NTNG1: variants seen among roughly 807,000 people sequenced by gnomAD.
NTNG1 encodes the protein netrin G1.
A neutral mutation model predicts 54.0 loss-of-function variants in NTNG1; 16 were observed. That is an observed-to-expected ratio of 0.30 (90% confidence interval 0.20 to 0.45). The LOEUF is 0.45. Ranked by LOEUF, NTNG1 falls within the 20% of genes least tolerant of loss-of-function variation. The pLI, the probability that NTNG1 is intolerant of heterozygous loss-of-function variation, is 1.00. For missense variants in NTNG1, 530 were observed against 678.7 expected (o/e 0.78, Z 2.43); for synonymous variants, 255 against 263.1 (o/e 0.97, Z 0.30).
intron 3 of NTNG1, among the ~76,000 whole-genome samples, chr1:107,386,175 T>TTTTTTC (rs1671982273): frequency 7.0e-6 from 1 of 142,660 alleles, no homozygotes; most frequent in Non-Finnish European, 1.5e-5. Context: ...ATTTTTTTTT[T>TTTTTTC]TTTCTTCCTT....
rs561633045 is a variant in NTNG1, at chr1:107,424,518, C to A, written c.1088-6232C>A. 2.3e-4 allele frequency among the ~76,000 whole-genome samples: 35 copies of A among 152,138 alleles called. No individual in the cohort carries two copies. The South Asian group carries it at 7.1e-3, about 31-fold the overall frequency. On this transcript the variant is annotated intron_variant, in intron 5 of 7. Coordinates refer to ENST00000370068, the MANE Select transcript of NTNG1 (RefSeq NM_001113226.3). ...CTGCTGTGTGGAGATGACATTATCA[C>A]AAGGGTTGAGGCCAGAAGAACAGTT...
chr1:107,296,692 T>G (rs116392093), intron 2 of NTNG1, among the ~76,000 whole-genome samples: 1 of 147,732 alleles, frequency 6.8e-6, no homozygotes, highest in East Asian at 1.9e-4. Context: ...TTATATATAC[T>G]AATATACTAT....
chr1:107,216,602 G>A (rs1420475052), intron 2 of NTNG1, among the ~76,000 whole-genome samples: 1 of 151,364 alleles, frequency 6.6e-6, no homozygotes, highest in African/African-American at 2.4e-5. Flanking sequence ...ATTGGTCTGT[G>A]GTTTTCTTAT....
intron 3 of NTNG1, among the ~76,000 whole-genome samples, chr1:107,375,681 A>G (rs543408565): frequency 4.6e-5 from 7 of 152,346 alleles, no homozygotes; most frequent in South Asian, 2.1e-4. Flanking sequence ...ACAACCCACA[A>G]TGAAACCCAC....
chr1:107,449,534 A>G (rs943890196), intron 7 of NTNG1, among the ~76,000 whole-genome samples: 1 of 152,050 alleles, frequency 6.6e-6, no homozygotes, highest in African/African-American at 2.4e-5. Flanking sequence ...TTAGACTTCA[A>G]GGTAACTAAT....
At chr1:107,234,819 C>T (rs1395444211) in intron 2 of NTNG1, among the ~76,000 whole-genome samples, 3 of 152,238 alleles carry the variant, frequency 2.0e-5, no homozygotes, top group African/African-American at 7.2e-5. Flanking sequence ...TGCTATTGAA[C>T]CCACAGCTTC....
intron 2 of NTNG1, among the ~76,000 whole-genome samples, chr1:107,319,334 T>A (rs1667509312): frequency 6.6e-6 from 1 of 152,074 alleles, no homozygotes; most frequent in African/African-American, 2.4e-5. Flanking sequence ...ATACCTCTGA[T>A]ATAAAGGAGT....
intron 2 of NTNG1, among the ~76,000 whole-genome samples, chr1:107,274,178 G>T (rs1448997364): frequency 1.3e-5 from 2 of 152,226 alleles, no homozygotes; most frequent in African/African-American, 2.4e-5. Context: ...CCCCAAGGGG[G>T]TAGCACTGGG....
chr1:107,167,345 T>G (rs1469102319), intron 2 of NTNG1, among the ~76,000 whole-genome samples: 1 of 151,876 alleles, frequency 6.6e-6, no homozygotes, highest in Non-Finnish European at 1.5e-5. Context: ...TTCCACAGTT[T>G]ATTAGTAGTG....
At chr1:107,167,965 C>G (rs916820758) in intron 2 of NTNG1, among the ~76,000 whole-genome samples, 1 of 151,928 alleles carries the variant, frequency 6.6e-6, no homozygotes, top group Non-Finnish European at 1.5e-5. Context: ...AGAACAGACT[C>G]CTCTGGGCAC....
In NTNG1 at chr1:107,324,767, C is replaced by T. The variant is rs937656695; in HGVS notation, c.732C>T (p.Tyr244=). ...GCCTACGCAATATGGCTTCCCTCTA[C>T]GGACAGCTGGATACAACCAAGAAAC... The part of the protein sequence containing the change: ...GPRLRNMASL[Y]GQLDTTKKLR... Residue 244 remains tyrosine (Y), a synonymous_variant, in exon 3 of 8, where the codon TAC becomes TAT. Coordinates refer to ENST00000370068, the MANE Select transcript of NTNG1 (RefSeq NM_001113226.3). 7 of 1,613,444 alleles carry T rather than the reference C, an allele frequency of 4.3e-6. No individual in the cohort carries two copies. In the Admixed American group the frequency reaches 5.0e-5, roughly 12 times the overall value.
intron 2 of NTNG1, among the ~76,000 whole-genome samples, chr1:107,302,242 A>C (rs1283955289): frequency 6.6e-6 from 1 of 152,132 alleles, no homozygotes; most frequent in Non-Finnish European, 1.5e-5. Flanking sequence ...TTCTAGGATG[A>C]ATCCTGGCTT....
intron 4 of NTNG1, chr1:107,395,608 T>C (rs1456773485): frequency 3.6e-6 from 2 of 554,390 alleles, no homozygotes; most frequent in Non-Finnish European, 3.3e-6. Flanking sequence ...GGAGGTGATT[T>C]TTTTCCTCCC....
In NTNG1 at chr1:107,410,824, T is replaced by C. The variant is rs1045617367; in HGVS notation, c.1087+3116T>C. On this transcript the variant is annotated intron_variant, in intron 5 of 7. Transcript: ENST00000370068. ...ATGATCTTTGGTCCTGAAAAGCAAA[T>C]GATTACACAAATTATGTTAAACATT... 4.6e-5 allele frequency among the ~76,000 whole-genome samples: 7 copies of C among 152,208 alleles called. No individual in the cohort carries two copies. In the South Asian group the frequency reaches 1.2e-3, roughly 27 times the overall value.
At position 107,148,514 on chromosome 1, in the gene NTNG1, T is replaced by C. The variant is rs1460561049; in HGVS notation, c.-80T>C. ...GTACGCATACATACATATGTGTATA[T>C]ATATGTAAACTAGACAAAGATCGCA... On this transcript the variant is annotated 5_prime_UTR_variant, in exon 2 of 8. Transcript: ENST00000370068. 2.2e-6 allele frequency: 3 copies of C among 1,347,832 alleles called. No homozygotes were observed. The highest frequency in any genetic ancestry group is 1.3e-5 in the South Asian group (1 of 79,816). 83.5% of individuals were successfully genotyped at this position (1,347,832 alleles called of 1,614,324 possible). A position where few individuals can be genotyped will look rare whatever the true frequency, so the allele number is the denominator to read the frequency against.
At chr1:107,325,098 T>A (rs563573469) in intron 3 of NTNG1, among the ~76,000 whole-genome samples, 176 bp downstream of exon 3, 1 of 152,214 alleles carries the variant, frequency 6.6e-6, no homozygotes, top group African/African-American at 2.4e-5. Flanking sequence ...CAGCAGTAAT[T>A]TGTAATCCCA....
chr1:107,362,920 C>T (rs950434396), intron 3 of NTNG1, among the ~76,000 whole-genome samples: 1 of 152,120 alleles, frequency 6.6e-6, no homozygotes, highest in Non-Finnish European at 1.5e-5. Context: ...ATATTCTGAG[C>T]AAATGTTTGA....
chr1:107,360,063 G>A (rs1670173785), intron 3 of NTNG1, among the ~76,000 whole-genome samples: 1 of 152,116 alleles, frequency 6.6e-6, no homozygotes, highest in African/African-American at 2.4e-5. Context: ...GCCACACCCT[G>A]TTGTCTTATA....
At chr1:107,382,128 C>G (rs900114028) in intron 3 of NTNG1, among the ~76,000 whole-genome samples, 2 of 151,898 alleles carry the variant, frequency 1.3e-5, no homozygotes, top group Admixed American at 1.3e-4. Flanking sequence ...AATTGCTTAA[C>G]CTGAGAATGA....
Sources: allele counts gnomAD v4.1 joint callset (sites outside exome capture counted in the v4.1 genomes callset), GRCh38; gene constraint gnomAD v4.1.1; transcripts MANE v1.5; gene names NCBI Gene and HGNC (gene_info 2026-07-23, HGNC 2026-07-21).